Variants in PYROXD2 observed in about 807,000 individuals in gnomAD.
PYROXD2 encodes pyridine nucleotide-disulphide oxidoreductase domain 2, also known as pyridine nucleotide-disulfide oxidoreductase domain-containing protein 2.
Under a neutral mutation model 71.1 loss-of-function variants are expected in PYROXD2, and 69 were observed. That is an observed-to-expected ratio of 0.97 (90% CI 0.80 to 1.19). PYROXD2 has a LOEUF of 1.19. PYROXD2 is among the 50% of genes most tolerant of loss of function. PYROXD2 has a pLI of 0.00. For synonymous variants in PYROXD2, 287 were observed against 302.7 expected, an observed-to-expected ratio of 0.95 and a Z score of 0.54; for missense variants, 745 against 748.9, an observed-to-expected ratio of 0.99 and a Z score of 0.06.
intron 14 of PYROXD2, among the ~76,000 whole-genome samples, chr10:98,386,241 A>G (rs1842745812): frequency 6.8e-6 from 1 of 147,566 alleles, no homozygotes; most frequent in Non-Finnish European, 1.5e-5. Flanking sequence ...TGATTGCACT[A>G]CTGCACTCCA....
chr10:98,393,851 A>C (rs942813), intron 8 of PYROXD2, among the ~76,000 whole-genome samples: 78,073 of 151,532 alleles, frequency 0.52, 22,660 homozygotes, highest in African/African-American at 0.78. Context: ...CTGTCCCCCT[A>C]TCCATATCCC....
intron 6 of PYROXD2, among the ~76,000 whole-genome samples, chr10:98,396,305 G>A (rs1025766782): frequency 8.5e-5 from 13 of 152,230 alleles, no homozygotes; most frequent in African/African-American, 2.9e-4. Context: ...GATGTGAAAA[G>A]TCCACACCCA....
intron 5 of PYROXD2, among the ~76,000 whole-genome samples, chr10:98,399,202 C>T (rs1047736918): frequency 6.6e-6 from 1 of 152,178 alleles, no homozygotes; most frequent in Non-Finnish European, 1.5e-5. Context: ...TTCTGATCAT[C>T]AGCCAGGTTT....
intron 12 of PYROXD2, among the ~76,000 whole-genome samples, chr10:98,388,894 TGTC>T (rs1311578312): frequency 6.6e-6 from 1 of 152,074 alleles, no homozygotes; most frequent in Non-Finnish European, 1.5e-5. Flanking sequence ...GTGGCCTGAC[TGTC>T]TTTTCCAGAG....
chr10:98,402,814 C>T (rs547437746), intron 4 of PYROXD2, among the ~76,000 whole-genome samples: 116 of 152,292 alleles, frequency 7.6e-4, no homozygotes, highest in African/African-American at 2.6e-3. Context: ...TCATTGTCTC[C>T]CCAAGTAGAA....
rs115571001 is a variant in PYROXD2 at position 98,387,805 on chromosome 10, T to A, written c.1448-498A>T. ...TGCCACCACACCCTGCTAATTTTTT[T>A]ATGTTTTTAGTAGCTACGGGGTTTC... On this transcript the variant is annotated intron_variant, in intron 13 of 15. Coordinates refer to ENST00000370575, the MANE Select transcript of PYROXD2 (RefSeq NM_032709.3). 795 of 173,600 alleles carry A rather than the reference T, an allele frequency of 4.6e-3. 5 individuals carry two copies. The highest frequency in any genetic ancestry group is 0.018 in the African/African-American group (745 of 41,658). 10.8% of individuals were successfully genotyped at this position (173,600 alleles called of 1,614,324 possible).
At chr10:98,400,053 T>C in intron 5 of PYROXD2, 49 bp downstream of exon 5, 1 of 1,596,494 alleles carries the variant, frequency 6.3e-7, no homozygotes, top group Non-Finnish European at 8.5e-7. Context: ...CAGGCCCATC[T>C]CTAGGCTGCT....
rs1247897734 is a variant in PYROXD2 at position 98,400,163 on chromosome 10, A to G, written c.410T>C (p.Leu137Pro). ...CTGGTTTTCTGCCATGTCTGTGCCC[A>G]GCAGAAGGCACCTGGGCACCTTGCT... ...AGSKVPRCLL[L>P]GTDMAENQKQ... Residue 137 changes from leucine to proline, a missense_variant, in exon 5 of 16, where the codon CTG (leucine) becomes CCG (proline). By Grantham distance (98) the Leu-to-Pro change is moderately conservative (BLOSUM62 -3). Transcript: ENST00000370575. 1 of 1,613,810 alleles carries G rather than the reference A, an allele frequency of 6.2e-7. No homozygotes were observed. The highest frequency in any genetic ancestry group is 1.3e-5 in the African/African-American group (1 of 75,056).
At chr10:98,384,813 C>A (rs1282145473) in intron 15 of PYROXD2, 134 bp downstream of exon 15, 11 of 1,299,582 alleles carry the variant, frequency 8.5e-6, no homozygotes, top group Non-Finnish European at 1.0e-5. Flanking sequence ...GAACACAGGG[C>A]AGCTTATGTT....
chr10:98,413,116 T>C (rs1843843675), intron 1 of PYROXD2, among the ~76,000 whole-genome samples: 1 of 152,256 alleles, frequency 6.6e-6, no homozygotes, highest in Admixed American at 6.5e-5. Context: ...CATATCTGCA[T>C]GGTGGACACA....
rs375047096 is a variant in PYROXD2, at chr10:98,391,096, G to T, written c.1063-14C>A. The stretch of plus-strand genomic sequence containing the variant: ...AGGAAGCCACTCCTGGAAGGAGAAG[G>T]CTCCATGAAAGGCCTCAGATGTCCA... On this transcript the variant is annotated splice_polypyrimidine_tract_variant and intron_variant, in intron 10 of 15. Transcript: ENST00000370575. 3.5e-4 allele frequency: 564 copies of T among 1,589,046 alleles called. No homozygotes were observed. Among genetic ancestry groups the T allele is most frequent in the Non-Finnish European group, 4.4e-4 (507 of 1,157,450 alleles).
At chr10:98,413,186 G>A (rs1441131562) in intron 1 of PYROXD2, among the ~76,000 whole-genome samples, 1 of 152,082 alleles carries the variant, frequency 6.6e-6, no homozygotes, top group Non-Finnish European at 1.5e-5. Flanking sequence ...CCTCATCTTG[G>A]TAACAGAAAA....
intron 1 of PYROXD2, among the ~76,000 whole-genome samples, chr10:98,413,494 T>A (rs7075016): frequency 0.046 from 7,038 of 152,180 alleles, 272 homozygotes; most frequent in African/African-American, 0.1. Flanking sequence ...GGCAGGTGGA[T>A]CACAAGGCCA....
chr10:98,414,547 G>A (rs777297938), intron 1 of PYROXD2, among the ~76,000 whole-genome samples: 2 of 152,174 alleles, frequency 1.3e-5, no homozygotes, highest in Non-Finnish European at 2.9e-5. Context: ...GCAGTTTCTT[G>A]TGACGAGGGG....
In PYROXD2 at chr10:98,387,264, A is replaced by AG. The variant is rs759671764; in HGVS notation, c.1490dup (p.Val498CysfsTer79). ...GTGTGAGGATGTCTCTGCCAACCAC[A>AG]GAGTCCTTGAAGCCAGGGGCATAGA... is the stretch of plus-strand genomic sequence containing the variant. On this transcript the variant is annotated frameshift_variant, in exon 14 of 16. Coordinates refer to ENST00000370575, the MANE Select transcript of PYROXD2 (RefSeq NM_032709.3). LOFTEE classifies it high-confidence loss of function. The AG allele has an allele frequency of 2.4e-5, 39 of 1,614,064 alleles. No homozygotes were observed. The highest frequency in any genetic ancestry group is 3.1e-5 in the Non-Finnish European group (36 of 1,180,028).
intron 8 of PYROXD2, among the ~76,000 whole-genome samples, chr10:98,394,403 A>G (rs962091796): frequency 1.3e-5 from 2 of 152,178 alleles, no homozygotes; most frequent in Non-Finnish European, 2.9e-5. Context: ...GGCCGGCTTA[A>G]TATGTGTTGA....
In PYROXD2 at chr10:98,393,101, G is replaced by A. The variant is rs572261550; in HGVS notation, c.786-18C>T. ...GCACATACCTGTGGACAGACCATCC[G>A]ACTCAGATCCTGGAGGTGGGATCTC... On this transcript the variant is annotated intron_variant, in intron 8 of 15. Coordinates refer to ENST00000370575, the MANE Select transcript of PYROXD2 (RefSeq NM_032709.3). 1.8e-4 allele frequency: 278 copies of A among 1,506,908 alleles called. 2 individuals are homozygous for A. The South Asian group carries it at 3.3e-3, about 18-fold the overall frequency. 93.3% of individuals were successfully genotyped at this position (1,506,908 alleles called of 1,614,324 possible).
At position 98,390,492 on chromosome 10, in the gene PYROXD2, G is replaced by A. The variant is rs568735902; in HGVS notation, c.1292+106C>T. 17 of 1,301,942 alleles carry A rather than the reference G, an allele frequency of 1.3e-5. No individual in the cohort carries two copies. In the Admixed American group the frequency reaches 1.8e-4, roughly 14 times the overall value. The allele number at this position is 1,301,942 out of a possible 1,614,324, so 80.6% of individuals were successfully genotyped here. ...ATTTTGGCAGATCCTAAGTCACTGT[G>A]AAGGTTGAACACCAGGCCTGATCCC... On this transcript the variant is annotated intron_variant, in intron 12 of 15. Coordinates refer to ENST00000370575, the MANE Select transcript of PYROXD2 (RefSeq NM_032709.3).
chr10:98,387,505 C>T (rs1842792349), intron 13 of PYROXD2, among the ~76,000 whole-genome samples, 198 bp from the exon 14 acceptor site: 1 of 152,192 alleles, frequency 6.6e-6, no homozygotes. Context: ...CCCAAAGATG[C>T]ATGGGTAGGC....
Sources: gnomAD v4.1 joint callset for allele counts (sites outside exome capture counted in the v4.1 genomes callset) on GRCh38, gnomAD v4.1.1 for gene constraint, MANE v1.5 for transcripts, NCBI Gene and HGNC (gene_info 2026-07-23, HGNC 2026-07-21) for gene names.